The following NOTUM variants were observed in gnomAD, a reference collection of about 807,000 sequenced individuals.
The protein encoded by NOTUM is palmitoleoyl-protein carboxylesterase NOTUM.
NOTUM carries 36 observed loss-of-function variants against 65.5 expected under a neutral mutation model. That is an observed-to-expected ratio of 0.55 (90% CI 0.42 to 0.73). The LOEUF is 0.73. Ranked by LOEUF, NOTUM falls within the 30% of genes least tolerant of loss-of-function variation. The probability of loss-of-function intolerance (pLI) is 0.00; values close to 1 mark genes in which losing one functional copy is unlikely to be tolerated. For synonymous variants in NOTUM, 356 were observed against 297.9 expected (o/e 1.20, Z -2.01); for missense variants, 659 against 694.2 (o/e 0.95, Z 0.57).
Position 81,957,789 on chromosome 17 carries a change from T to TGCCCCGCCCA in NOTUM, c.695+16_695+17insTGGGCGGGGC. On this transcript the variant is annotated intron_variant, in intron 6 of 10. Transcript: ENST00000409678. Reference sequence around the variant, plus strand: ...CGTCCTCACCCCTCACCTCCAGCCCTGCCCCGCCCTGCCCACCTGCTCCCG... The same window carrying TGCCCCGCCCA: ...CGTCCTCACCCCTCACCTCCAGCCCTGCCCCGCCCAGCCCCGCCCTGCCCACCTGCTCCCG... The TGCCCCGCCCA allele has an allele frequency of 6.5e-7, 1 of 1,530,316 alleles. No homozygotes were observed. Among genetic ancestry groups the TGCCCCGCCCA allele is most frequent in the Non-Finnish European group, 8.9e-7 (1 of 1,118,412 alleles). The allele number at this position is 1,530,316 out of a possible 1,614,324, so 94.8% of individuals were successfully genotyped here.
Position 81,952,888 on chromosome 17 carries a change from TG to T in NOTUM, c.*72del. 10 of 1,341,106 alleles carry T rather than the reference TG, an allele frequency of 7.5e-6. No homozygotes were observed. Among genetic ancestry groups the T allele is most frequent in the Non-Finnish European group, 8.4e-6 (8 of 949,186 alleles). 83.1% of individuals were successfully genotyped at this position (1,341,106 alleles called of 1,614,324 possible). A position where few individuals can be genotyped will look rare whatever the true frequency, so the allele number is the denominator to read the frequency against. On this transcript the variant is annotated 3_prime_UTR_variant, in exon 11 of 11. Coordinates refer to ENST00000409678, the MANE Select transcript of NOTUM (RefSeq NM_178493.6). ...CCGAAGAGACGGGAGGGCCTGCTGG[TG>T]GGGGGTGAGGTGGCACTGGGGCAGC...
At chr17:81,959,791 G>T in intron 1 of NOTUM, 99 bp from the exon 2 acceptor site, 1 of 649,052 alleles carries the variant, frequency 1.5e-6, no homozygotes, top group Non-Finnish European at 2.2e-6. Flanking sequence ...ACCTGTTCCG[G>T]CCGCGCGCGA....
Position 81,960,473 on chromosome 17 carries a change from G to T in NOTUM, c.323+114C>A. The stretch of plus-strand genomic sequence containing the variant: ...CTCCTCGGGGCCAGGACCGCGGGGC[G>T]CCCGACGGAAGCCCTTTCTCCCCGG... On this transcript the variant is annotated intron_variant, in intron 1 of 10. Transcript: ENST00000409678. This position sits in a 1 kb window ranked among gnomAD's most constrained non-coding sequence, Gnocchi z 6.4. 1 of 712,710 alleles carries T rather than the reference G, an allele frequency of 1.4e-6. No homozygotes were observed. The highest frequency in any genetic ancestry group is 1.9e-5 in the African/African-American group (1 of 53,070). The allele number at this position is 712,710 out of a possible 1,614,324, so 44.1% of individuals were successfully genotyped here. A position where few individuals can be genotyped will look rare whatever the true frequency, so the allele number is the denominator to read the frequency against.
At chr17:81,954,927 C>A (rs992968236) in intron 9 of NOTUM, among the ~76,000 whole-genome samples, 4 of 96,890 alleles carry the variant, frequency 4.1e-5, no homozygotes, top group African/African-American at 2.1e-4. Flanking sequence ...CAAGACCGAT[C>A]TCGATCTCTC....
rs147815679 is a variant in NOTUM at position 81,960,804 on chromosome 17, G to A, written c.106C>T (p.Pro36Ser). 12,819 of 1,544,398 alleles carry A rather than the reference G, an allele frequency of 8.3e-3. 914 individuals are homozygous for A. The African/African-American group carries it at 0.15, about 18-fold the overall frequency. ...WRRRGQQPPP[P>S]PRTEAAPAAG... ...GCCGGCGCCGCCTCGGTCCGCGGGG[G>A]AGGAGGCGGCTGCTGACCCCGGCGC... Residue 36 changes from proline (P) to serine (S), a missense_variant, in exon 1 of 11, where the codon CCC becomes TCC. Physicochemically the swap from Pro to Ser is moderately conservative, Grantham distance 74 (BLOSUM62 -1). Transcript: ENST00000409678. The surrounding 1 kb of genome is among the most constrained non-coding windows in gnomAD (Gnocchi z 6.4).
intron 3 of NOTUM, 138 bp downstream of exon 3, chr17:81,959,333 G>A (rs1347454811): frequency 1.2e-5 from 8 of 665,728 alleles, no homozygotes; most frequent in Non-Finnish European, 1.8e-5. Context: ...AGTGAAGGGC[G>A]CCCCTTGCTC....
intron 3 of NOTUM, 36 bp downstream of exon 3, chr17:81,959,435 C>T: frequency 1.3e-6 from 2 of 1,495,970 alleles, no homozygotes; most frequent in South Asian, 1.2e-5. Flanking sequence ...TCCCGGGCCT[C>T]ACGTCGAGAC....
chr17:81,953,251 G>A lies in NOTUM; in HGVS notation c.1201C>T (p.Gln401Ter). 1 of 1,608,872 alleles carries A rather than the reference G, an allele frequency of 6.2e-7. No individual in the cohort carries two copies. The part of the protein sequence containing the change: ...IIIRSHWTDV[Q>*]VKGTSLPRAL... Reference sequence around the variant, plus strand: ...CGGGGCAGCGACGTCCCCTTCACCTGGACATCCGTCCAGTGGCTGCAGAGG... The same window carrying A: ...CGGGGCAGCGACGTCCCCTTCACCTAGACATCCGTCCAGTGGCTGCAGAGG... Residue 401 changes from glutamine (Q) to a stop codon, truncating the protein, a stop_gained, in exon 11 of 11, where the codon CAG (glutamine) becomes TAG (stop). Transcript: ENST00000409678. LOFTEE classifies it high-confidence loss of function.
intron 3 of NOTUM, 193 bp from the exon 4 acceptor site, chr17:81,959,188 G>A (rs1037170775): frequency 7.7e-5 from 48 of 625,242 alleles, no homozygotes; most frequent in African/African-American, 6.2e-4. Flanking sequence ...AGCCACCATG[G>A]CCACGGTGCC....
chr17:81,954,455 G>A (rs1598367020), intron 9 of NOTUM, 152 bp from the exon 10 acceptor site: 1 of 609,748 alleles, frequency 1.6e-6, no homozygotes, highest in East Asian at 2.8e-5. Flanking sequence ...CCCCCTAGTT[G>A]GCCAGCTCCC....
Position 81,954,269 on chromosome 17 carries a change from T to A in NOTUM, c.1171A>T (p.Ile391Phe), listed in dbSNP as rs1321513335. The A allele has an allele frequency of 1.2e-6, 2 of 1,612,884 alleles. No individual in the cohort carries two copies. The highest frequency in any genetic ancestry group is 1.7e-6 in the Non-Finnish European group (2 of 1,178,916). The change falls in exon 10 of 11, where the codon ATC (isoleucine) becomes TTC (phenylalanine). Residue 391 changes from isoleucine to phenylalanine, a missense_variant. Coordinates refer to ENST00000409678, the MANE Select transcript of NOTUM (RefSeq NM_178493.6). The part of the protein sequence containing the change: ...SFAPACLSHE[I>F]IIRSHWTDVQ... ...AGGGACACTGACCTCCGGATGATGATCTCATGGGAGAGGCAGGCGGGGGCA... is the reference window on the plus strand; with the variant it reads ...AGGGACACTGACCTCCGGATGATGAACTCATGGGAGAGGCAGGCGGGGGCA...
At chr17:81,959,726 A>G (rs961558906) in intron 1 of NOTUM, 34 bp from the exon 2 acceptor site, 6 of 1,291,820 alleles carry the variant, frequency 4.6e-6, no homozygotes, top group Non-Finnish European at 6.0e-6. Flanking sequence ...GGGGTCGGCC[A>G]GGGCTGCCGA....
At chr17:81,958,438 G>A (rs370102596) in intron 4 of NOTUM, 45 bp from the exon 5 acceptor site, 37 of 1,405,592 alleles carry the variant, frequency 2.6e-5, no homozygotes, top group South Asian at 3.5e-5. Context: ...CCTGCCGCCC[G>A]GCAGCCTCCA....
chr17:81,960,524 G>A lies in NOTUM; in HGVS notation c.323+63C>T, dbSNP rs2041466575. On this transcript the variant is annotated intron_variant, in intron 1 of 10. Transcript: ENST00000409678. This position sits in a 1 kb window ranked among gnomAD's most constrained non-coding sequence, Gnocchi z 6.4. ...GGAGAGAACGGCCGCGGCCCGCAGG[G>A]AAGGTCCAGCCGGAGACCGGGCGCG... 4 of 1,202,340 alleles carry A rather than the reference G, an allele frequency of 3.3e-6. No homozygotes were observed. The highest frequency in any genetic ancestry group is 1.7e-5 in the South Asian group (1 of 60,438). The allele number at this position is 1,202,340 out of a possible 1,614,324, so 74.5% of individuals were successfully genotyped here. A position where few individuals can be genotyped will look rare whatever the true frequency, so the allele number is the denominator to read the frequency against.
chr17:81,956,343 G>C (rs2041432816), intron 8 of NOTUM, among the ~76,000 whole-genome samples: 1 of 152,158 alleles, frequency 6.6e-6, no homozygotes, highest in Non-Finnish European at 1.5e-5. Context: ...ACCGGTATAG[G>C]CAGGGTGACC....
chr17:81,953,482 A>G (rs1262285771), intron 10 of NOTUM, among the ~76,000 whole-genome samples: 1 of 148,632 alleles, frequency 6.7e-6, no homozygotes, highest in East Asian at 2.0e-4. Flanking sequence ...TTTTCAGTAG[A>G]GATGGGGTTT....
At chr17:81,959,832 C>G (rs1220581683) in intron 1 of NOTUM, 140 bp from the exon 2 acceptor site, 1 of 319,142 alleles carries the variant, frequency 3.1e-6, no homozygotes, top group African/African-American at 2.2e-5. Flanking sequence ...CGGCCAGGCC[C>G]ACGGGGAGCT....
chr17:81,954,556 T>A (rs2041413875), intron 9 of NOTUM, among the ~76,000 whole-genome samples: 1 of 152,240 alleles, frequency 6.6e-6, no homozygotes, highest in African/African-American at 2.4e-5. Context: ...GAGGCTGCCC[T>A]AGACAGGCAA....
Position 81,953,152 on chromosome 17 carries a change from CG to C in NOTUM, c.1299del (p.Val434SerfsTer28). Reference protein sequence around the residue: ...KASKTPLKGCPVHLVDSCPWP... With the variant: ...KASKTPLKGCXVHLVDSCPWP... Reference sequence around the variant, plus strand: ...CAGGGGCAGCTGTCCACCAGGTGGACGGGGCAGCCCTTGAGGGGGGTCTTGC... The same window carrying C: ...CAGGGGCAGCTGTCCACCAGGTGGACGGGCAGCCCTTGAGGGGGGTCTTGC... On this transcript the variant is annotated frameshift_variant, in exon 11 of 11. Transcript: ENST00000409678. LOFTEE classifies it high-confidence loss of function. The C allele has an allele frequency of 6.2e-7, 1 of 1,612,992 alleles. No homozygotes were observed. Among genetic ancestry groups the C allele is most frequent in the Non-Finnish European group, 8.5e-7 (1 of 1,179,362 alleles).
Sources: allele counts gnomAD v4.1 joint callset (sites outside exome capture counted in the v4.1 genomes callset), GRCh38; gene constraint gnomAD v4.1.1; non-coding constraint Gnocchi (gnomAD v3.1); transcripts MANE v1.5; gene names NCBI Gene and HGNC (gene_info 2026-07-23, HGNC 2026-07-21).